Variants in RBFOX1 observed in about 807,000 individuals in gnomAD.
RBFOX1 encodes the protein RNA binding protein fox-1 homolog 1.
RBFOX1 carries 8 observed loss-of-function variants against 57.7 expected under a neutral mutation model. That is an observed-to-expected ratio of 0.14 (90% CI 0.08 to 0.25). The LOEUF (loss-of-function observed/expected upper bound fraction) is 0.25. Ranked by LOEUF, RBFOX1 falls within the 10% of genes least tolerant of loss-of-function variation. The pLI is 1.00. For synonymous variants in RBFOX1, 326 were observed against 222.4 expected (o/e 1.47, Z -4.15); for missense variants, 611 against 548.5 (o/e 1.11, Z -1.14).
chr16:7,076,828 G>T (rs374669423), intron 4 of RBFOX1, among the ~76,000 whole-genome samples: 1 of 152,124 alleles, frequency 6.6e-6, no homozygotes, highest in Admixed American at 6.5e-5. Context: ...GTGAGCCCTG[G>T]GGATAATGAC....
intron 4 of RBFOX1, among the ~76,000 whole-genome samples, chr16:5,942,334 G>C (rs772847195): frequency 6.6e-6 from 1 of 152,090 alleles, no homozygotes; most frequent in African/African-American, 2.4e-5. Flanking sequence ...TGTGGACAAC[G>C]GTCCTCATAT....
At chr16:7,022,595 T>C (rs898545964) in intron 3 of RBFOX1, among the ~76,000 whole-genome samples, 35 of 152,262 alleles carry the variant, frequency 2.3e-4, no homozygotes, top group African/African-American at 8.2e-4. Context: ...CTAATATTTA[T>C]TGGGAAGCTG....
intron 3 of RBFOX1, among the ~76,000 whole-genome samples, chr16:7,050,188 G>T (rs1460138716): frequency 1.4e-5 from 2 of 147,132 alleles, no homozygotes; most frequent in Non-Finnish European, 1.5e-5. Flanking sequence ...AATTGTACCA[G>T]TTTCTTTTTT....
At chr16:6,119,645 G>A (rs947983562) in intron 1 of RBFOX1, among the ~76,000 whole-genome samples, 7 of 152,082 alleles carry the variant, frequency 4.6e-5, no homozygotes, top group African/African-American at 1.7e-4. Context: ...TTATTTTGAA[G>A]GTGAGCTATA....
chr16:7,124,480 C>T (rs940456866), intron 4 of RBFOX1, among the ~76,000 whole-genome samples: 1 of 150,948 alleles, frequency 6.6e-6, no homozygotes, highest in Non-Finnish European at 1.5e-5. Flanking sequence ...TCTGAACCAA[C>T]CATCCTCCCT....
chr16:6,263,687 A>G (rs74630098), intron 1 of RBFOX1, among the ~76,000 whole-genome samples: 2,906 of 152,040 alleles, frequency 0.019, 76 homozygotes, highest in African/African-American at 0.055. Context: ...TAGTTGCTCC[A>G]TTTGTTTTTG....
chr16:5,248,523 T>C (rs2151072301), intron 1 of RBFOX1, among the ~76,000 whole-genome samples: 1 of 152,166 alleles, frequency 6.6e-6, no homozygotes, highest in East Asian at 1.9e-4. Flanking sequence ...TGCCTTAGCT[T>C]CTCTAAGGCT....
chr16:5,353,015 T>A (rs1468316340), intron 1 of RBFOX1, among the ~76,000 whole-genome samples: 2 of 152,232 alleles, frequency 1.3e-5, no homozygotes, highest in Admixed American at 1.3e-4. Context: ...CTATTCTTTA[T>A]GGCTTAAAAA....
intron 1 of RBFOX1, among the ~76,000 whole-genome samples, chr16:5,246,153 AATC>A (rs1305699719): frequency 1.4e-3 from 211 of 152,274 alleles, no homozygotes; most frequent in African/African-American, 4.9e-3. Context: ...GAGGCAGGAG[AATC>A]ATTTGAACCT....
chr16:6,202,948 AT>A (rs1049573741), intron 1 of RBFOX1, among the ~76,000 whole-genome samples: 69 of 151,770 alleles, frequency 4.5e-4, no homozygotes, highest in African/African-American at 9.7e-5. Context: ...AATTTTTCAT[AT>A]TTTTTTGTAG....
intron 2 of RBFOX1, among the ~76,000 whole-genome samples, chr16:5,513,679 A>G (rs988334703): frequency 6.6e-5 from 10 of 152,332 alleles, no homozygotes; most frequent in Admixed American, 5.9e-4. Flanking sequence ...TATTTACATC[A>G]CGATGGGACT....
At chr16:5,480,166 T>C (rs969443725) in intron 2 of RBFOX1, among the ~76,000 whole-genome samples, 2 of 152,164 alleles carry the variant, frequency 1.3e-5, no homozygotes, top group African/African-American at 2.4e-5. Context: ...ATCTAGGTTT[T>C]CTTTCATCCG....
chr16:7,224,176 C>G (rs950854548), intron 4 of RBFOX1, among the ~76,000 whole-genome samples: 2 of 133,240 alleles, frequency 1.5e-5, no homozygotes, highest in Admixed American at 1.6e-4. Context: ...GAGGAACTCA[C>G]TCAGCTCACT....
intron 1 of RBFOX1, among the ~76,000 whole-genome samples, chr16:5,340,233 C>G (rs966266338): frequency 5.9e-5 from 9 of 152,156 alleles, no homozygotes; most frequent in African/African-American, 2.2e-4. Flanking sequence ...AAACCCAGAG[C>G]ACATTGTCCT....
intron 5 of RBFOX1, among the ~76,000 whole-genome samples, chr16:7,574,582 T>C (rs998185351): frequency 7.9e-5 from 12 of 152,152 alleles, no homozygotes; most frequent in African/African-American, 2.9e-4. Context: ...AGTTGTAGGC[T>C]GGAAGACTCA....
intron 1 of RBFOX1, among the ~76,000 whole-genome samples, chr16:6,107,064 G>T (rs1334981354): frequency 6.6e-6 from 1 of 152,190 alleles, no homozygotes; most frequent in East Asian, 1.9e-4. Flanking sequence ...GCCCAGAGAA[G>T]ACCTCTTTTA....
At position 6,706,541 on chromosome 16, in the gene RBFOX1, T is replaced by G. The variant is rs112230682; in HGVS notation, c.-16+51891T>G. 2.6e-3 allele frequency among the ~76,000 whole-genome samples: 396 copies of G among 152,238 alleles called. 2 individuals are homozygous for G. The highest frequency in any genetic ancestry group is 9.0e-3 in the African/African-American group (375 of 41,552). ...CGTGTTAATTGTATCTTTCTGTGCA[T>G]GGGGACAAAACAGATTTACCTGTTT... is the stretch of plus-strand genomic sequence containing the variant. On this transcript the variant is annotated intron_variant, in intron 3 of 15. Transcript: ENST00000550418.
At chr16:7,674,725 C>T (rs1428480897) in intron 13 of RBFOX1, among the ~76,000 whole-genome samples, 1 of 152,124 alleles carries the variant, frequency 6.6e-6, no homozygotes, top group Non-Finnish European at 1.5e-5. Flanking sequence ...CAGCGGAATC[C>T]CAGGTGTACA....
intron 3 of RBFOX1, among the ~76,000 whole-genome samples, chr16:6,918,685 G>A (rs1459735341): frequency 6.6e-6 from 1 of 152,140 alleles, no homozygotes; most frequent in Admixed American, 6.5e-5. Flanking sequence ...CATATCTCTG[G>A]TCGTTTCAGA....
Sources: allele counts gnomAD v4.1 joint callset (sites outside exome capture counted in the v4.1 genomes callset), GRCh38; gene constraint gnomAD v4.1.1; transcripts MANE v1.5; gene names NCBI Gene and HGNC (gene_info 2026-07-23, HGNC 2026-07-21).